Variants in SMARCAD1 observed in about 807,000 individuals in gnomAD.
SMARCAD1 encodes the protein SNF2 related chromatin remodeling ATPase with DExD box 1.
A neutral mutation model predicts 127.1 loss-of-function variants in SMARCAD1; 25 were observed. That is an observed-to-expected ratio of 0.20 (90% CI 0.14 to 0.27). The LOEUF (loss-of-function observed/expected upper bound fraction) is 0.27, where lower values mean the gene tolerates loss of function less well. Among genes scored for constraint, SMARCAD1 ranks in the 10% least tolerant of loss-of-function variants. The pLI, the probability that SMARCAD1 is intolerant of heterozygous loss-of-function variation, is 1.00. For synonymous variants in SMARCAD1, 400 were observed against 396.9 expected (o/e 1.01, Z -0.09); for missense variants, 807 against 1,206.0 (o/e 0.67, Z 4.90).
chr4:94,280,497 T>C (rs1753869153), intron 19 of SMARCAD1, 95 bp from the exon 20 acceptor site: 1 of 1,078,190 alleles, frequency 9.3e-7, no homozygotes, highest in African/African-American at 1.6e-5. Context: ...ATGATTTAGA[T>C]ATTTTATCAG....
intron 23 of SMARCAD1, among the ~76,000 whole-genome samples, chr4:94,287,317 A>G (rs1755083913): frequency 6.6e-6 from 1 of 152,168 alleles, no homozygotes; most frequent in South Asian, 2.1e-4. Context: ...ATGATAATAC[A>G]TGTATGCCCT....
chr4:94,220,771 C>T (rs972101932), intron 2 of SMARCAD1, among the ~76,000 whole-genome samples: 1 of 152,192 alleles, frequency 6.6e-6, no homozygotes, highest in Non-Finnish European at 1.5e-5. Flanking sequence ...TTCTAGTAGT[C>T]AATGTATTCT....
At chr4:94,270,887 A>C (rs1752450321) in intron 11 of SMARCAD1, 69 bp downstream of exon 11, 5 of 1,445,544 alleles carry the variant, frequency 3.5e-6, no homozygotes, top group Admixed American at 3.4e-5. Context: ...CTGTCATTTA[A>C]AACATGAAAC....
chr4:94,208,598 TTAAAA>T lies in SMARCAD1; in HGVS notation c.190+16_190+20del. 1.9e-6 allele frequency: 3 copies of T among 1,611,226 alleles called. No homozygotes were observed. Among genetic ancestry groups the T allele is most frequent in the Non-Finnish European group, 2.5e-6 (3 of 1,177,460 alleles). Reference sequence around the variant, plus strand: ...CTGAAAAAACAGGTGAGTTACAATGTTAAAATTGATGTAACATCAAGGACAGTTTT... The same window carrying T: ...CTGAAAAAACAGGTGAGTTACAATGTTTGATGTAACATCAAGGACAGTTTT... On this transcript the variant is annotated intron_variant, in intron 2 of 23. Coordinates refer to ENST00000354268, the MANE Select transcript of SMARCAD1 (RefSeq NM_020159.5).
chr4:94,256,747 C>G (rs1276569544), intron 9 of SMARCAD1, among the ~76,000 whole-genome samples: 1 of 152,112 alleles, frequency 6.6e-6, no homozygotes, highest in Non-Finnish European at 1.5e-5. Context: ...TTTCTTCCTT[C>G]TGAATAAGGT....
chr4:94,230,691 C>T (rs1004219273), intron 3 of SMARCAD1, among the ~76,000 whole-genome samples: 8 of 152,028 alleles, frequency 5.3e-5, no homozygotes, highest in Non-Finnish European at 1.0e-4. Context: ...CAAAACTACC[C>T]CCTACCCCAA....
intron 2 of SMARCAD1, among the ~76,000 whole-genome samples, chr4:94,212,299 C>T (rs928471119): frequency 9.2e-5 from 14 of 151,832 alleles, no homozygotes; most frequent in African/African-American, 3.4e-4. Flanking sequence ...CTCAGCCTCC[C>T]GAGGAGCTGC....
chr4:94,232,436 A>C (rs1351474502), intron 3 of SMARCAD1, among the ~76,000 whole-genome samples: 1 of 152,192 alleles, frequency 6.6e-6, no homozygotes, highest in Admixed American at 6.5e-5. Flanking sequence ...CTAAGAGGCA[A>C]GGTCAAGTAG....
At chr4:94,213,708 A>T (rs963931900) in intron 2 of SMARCAD1, among the ~76,000 whole-genome samples, 2 of 152,212 alleles carry the variant, frequency 1.3e-5, no homozygotes, top group Admixed American at 6.5e-5. Context: ...GAGGATTTAC[A>T]GATAACTCAA....
At chr4:94,273,280 C>T (rs1000584191) in intron 11 of SMARCAD1, among the ~76,000 whole-genome samples, 6 of 152,188 alleles carry the variant, frequency 3.9e-5, no homozygotes, top group African/African-American at 7.2e-5. Flanking sequence ...GCCCTTAAAC[C>T]ATTCAGTGGA....
rs76213764 is a variant in SMARCAD1, at chr4:94,219,884, C to T, written c.191-6235C>T. Among the ~76,000 whole-genome samples, 1,023 of 152,230 alleles carry T rather than the reference C, an allele frequency of 6.7e-3. 6 individuals are homozygous for T. The highest frequency in any genetic ancestry group is 0.054 in the Middle Eastern group (16 of 294). On this transcript the variant is annotated intron_variant, in intron 2 of 23. Transcript: ENST00000354268. ...CTTGCCATTATTTTGCTTTAATATC[C>T]CCCACCTGGTACAATGCCTTAAACA...
At chr4:94,287,592 C>T (rs1437774850) in intron 23 of SMARCAD1, among the ~76,000 whole-genome samples, 2 of 152,146 alleles carry the variant, frequency 1.3e-5, no homozygotes, top group African/African-American at 2.4e-5. Context: ...AAGCCCCATT[C>T]TATACCTACT....
At chr4:94,287,750 A>G (rs528690395) in intron 23 of SMARCAD1, among the ~76,000 whole-genome samples, 1 of 152,120 alleles carries the variant, frequency 6.6e-6, no homozygotes, top group Non-Finnish European at 1.5e-5. Context: ...TAATGTATTA[A>G]TTGTATTAAT....
intron 2 of SMARCAD1, among the ~76,000 whole-genome samples, chr4:94,209,037 A>C (rs1407421706): frequency 1.3e-5 from 2 of 152,234 alleles, no homozygotes; most frequent in Non-Finnish European, 2.9e-5. Context: ...GATCACATCA[A>C]GTTCTTGCAT....
chr4:94,257,042 AAG>A (rs1166551422), intron 9 of SMARCAD1, among the ~76,000 whole-genome samples: 33 of 152,336 alleles, frequency 2.2e-4, no homozygotes, highest in African/African-American at 7.9e-4. Flanking sequence ...ACACTGTGGC[AAG>A]AGAGTGATAC....
At chr4:94,219,753 T>A (rs1233407356) in intron 2 of SMARCAD1, among the ~76,000 whole-genome samples, 1 of 152,222 alleles carries the variant, frequency 6.6e-6, no homozygotes, top group Admixed American at 6.5e-5. Flanking sequence ...CTCCTGTTCA[T>A]TTAGCATTTT....
chr4:94,270,605 G>T, intron 10 of SMARCAD1, 123 bp from the exon 11 acceptor site: 1 of 755,554 alleles, frequency 1.3e-6, no homozygotes. Context: ...GGTGTACATA[G>T]CATCTAACAG....
Position 94,253,016 on chromosome 4 carries a change from T to C in SMARCAD1, c.1281+9T>C. 2 of 1,609,690 alleles carry C rather than the reference T, an allele frequency of 1.2e-6. No homozygotes were observed. Among genetic ancestry groups the C allele is most frequent in the Non-Finnish European group, 1.7e-6 (2 of 1,179,968 alleles). Reference sequence around the variant, plus strand: ...ATAGTTGGGAGGCTCTGGTAAGGCTTTATTCTTTTTTTCCCCTTGTATGTG... The same window carrying C: ...ATAGTTGGGAGGCTCTGGTAAGGCTCTATTCTTTTTTTCCCCTTGTATGTG... On this transcript the variant is annotated intron_variant, in intron 9 of 23. Transcript: ENST00000354268.
chr4:94,286,028 A>G (rs541013265), intron 23 of SMARCAD1, among the ~76,000 whole-genome samples: 11 of 152,364 alleles, frequency 7.2e-5, no homozygotes, highest in African/African-American at 2.6e-4. Context: ...ATATCCAAAT[A>G]TATGGATTTT....
Sources: allele counts gnomAD v4.1 joint callset (sites outside exome capture counted in the v4.1 genomes callset), GRCh38; gene constraint gnomAD v4.1.1; transcripts MANE v1.5; gene names NCBI Gene and HGNC (gene_info 2026-07-23, HGNC 2026-07-21).